ZAN: variants seen among roughly 807,000 people sequenced by gnomAD.
ZAN encodes zonadhesin (gene/pseudogene).
Under a neutral mutation model 286.2 loss-of-function variants are expected in ZAN, and 260 were observed. The ratio of observed to expected loss-of-function variants is 0.91; its 90% CI spans 0.82 to 1.01. The LOEUF (loss-of-function observed/expected upper bound fraction) is 1.01, where lower values mean the gene tolerates loss of function less well. Ranked by LOEUF, ZAN falls within the 50% of genes least tolerant of loss-of-function variation. The probability of loss-of-function intolerance (pLI) is 0.00; values close to 1 mark genes in which losing one functional copy is unlikely to be tolerated. For synonymous variants in ZAN, 1,368 were observed against 1,417.5 expected (o/e 0.97, Z 0.79); for missense variants, 3,410 against 3,639.2 (o/e 0.94, Z 1.62).
rs768743277 is a variant in ZAN, at chr7:100,765,556, T to G, written c.4470+2T>G. The G allele has an allele frequency of 1.3e-6, 2 of 1,596,812 alleles. No individual in the cohort carries two copies. Among genetic ancestry groups the G allele is most frequent in the African/African-American group, 1.3e-5 (1 of 74,526 alleles). ...CACCCTGCAGGCAGCTACTTCAAGG[T>G]GAGCGGCTGCGTGGACCTCTCAGCC... On this transcript the variant is annotated splice_donor_variant, in intron 23 of 47. Coordinates refer to ENST00000613979, the MANE Select transcript of ZAN (RefSeq NM_003386.3). LOFTEE classifies it high-confidence loss of function.
Position 100,775,222 on chromosome 7 carries a change from G to T in ZAN, c.5780-106G>T, listed in dbSNP as rs191156769. On this transcript the variant is annotated intron_variant, in intron 31 of 47. Coordinates refer to ENST00000613979, the MANE Select transcript of ZAN (RefSeq NM_003386.3). The stretch of plus-strand genomic sequence containing the variant: ...GCCACTGCGCACAGCCGGACCTGGG[G>T]TCTTGACTCTTTTCTGGAAGGCAGG... 1.9e-3 allele frequency: 2,815 copies of T among 1,476,150 alleles called. 2 individuals are homozygous for T. Among genetic ancestry groups the T allele is most frequent in the Non-Finnish European group, 2.4e-3 (2,636 of 1,107,908 alleles). The allele number at this position is 1,476,150 out of a possible 1,614,324, so 91.4% of individuals were successfully genotyped here. A position where few individuals can be genotyped will look rare whatever the true frequency, so the allele number is the denominator to read the frequency against.
chr7:100,750,932 G>T (rs932186710), intron 12 of ZAN, 36 bp downstream of exon 12: 11 of 1,518,958 alleles, frequency 7.2e-6, no homozygotes, highest in African/African-American at 2.8e-5. Flanking sequence ...TCTGTGTGAG[G>T]TGAGAGGGCC....
Position 100,758,380 on chromosome 7 carries a change from C to A in ZAN, c.3451+37C>A, listed in dbSNP as rs756888752. The A allele has an allele frequency of 2.5e-6, 4 of 1,604,564 alleles. 1 individual carries two copies. The Middle Eastern group carries it at 5.2e-4, about 207-fold the overall frequency. ...TCCCCATGCTGTCCCTGCCTGCCAG[C>A]CAGTTGGAGTAGACGTGACGCCAGG... is the stretch of plus-strand genomic sequence containing the variant. On this transcript the variant is annotated intron_variant, in intron 16 of 47. Transcript: ENST00000613979.
chr7:100,756,037 A>G (rs1467773784), intron 15 of ZAN, among the ~76,000 whole-genome samples: 1 of 152,100 alleles, frequency 6.6e-6, no homozygotes, highest in Non-Finnish European at 1.5e-5. Context: ...TAACAGGCTC[A>G]CGCCACCACC....
In ZAN at chr7:100,744,019, TA is replaced by T. The variant is rs141135391; in HGVS notation, c.767-2518del. Among the ~76,000 whole-genome samples the T allele has an allele frequency of 2.2e-3, 336 of 151,176 alleles. 9 individuals are homozygous for T. The highest frequency in any genetic ancestry group is 7.9e-3 in the African/African-American group (324 of 41,048). Reference sequence around the variant, plus strand: ...GGTGTGAGCTGCCACGCCCAGCCTATATCTCTTTGTTCTTCTTTTCCCTTAA... The same window carrying T: ...GGTGTGAGCTGCCACGCCCAGCCTATTCTCTTTGTTCTTCTTTTCCCTTAA... On this transcript the variant is annotated intron_variant, in intron 7 of 47. Coordinates refer to ENST00000613979, the MANE Select transcript of ZAN (RefSeq NM_003386.3).
rs1255511265 is a variant in ZAN at position 100,791,030 on chromosome 7, C to T, written c.7446C>T (p.Pro2482=). 6.2e-7 allele frequency: 1 copy of T among 1,612,982 alleles called. No homozygotes were observed. Among genetic ancestry groups the T allele is most frequent in the Admixed American group, 1.7e-5 (1 of 59,838 alleles). ...DKNRKNDMML[P]SGALTQNLNT... ...ACCGCAAGAATGACATGATGCTGCC[C>T]AGTGGCGCCCTGACCCAGAACCTCA... Residue 2482 remains proline (P), a synonymous_variant, in exon 40 of 48, where the codon CCC becomes CCT. Transcript: ENST00000613979.
At chr7:100,795,424 A>G (rs1233607757) in intron 45 of ZAN, 88 bp downstream of exon 45, 3 of 1,259,868 alleles carry the variant, frequency 2.4e-6, no homozygotes, top group Non-Finnish European at 3.1e-6. Context: ...ATATTCACAT[A>G]TAGAATGATA....
At chr7:100,773,623 G>A in intron 30 of ZAN, 98 bp from the exon 31 acceptor site, 1 of 1,542,438 alleles carries the variant, frequency 6.5e-7, no homozygotes, top group Non-Finnish European at 8.8e-7. Context: ...TGGGGGGCGA[G>A]GAGGAAGGGC....
intron 39 of ZAN, among the ~76,000 whole-genome samples, chr7:100,789,668 T>C (rs1811810289): frequency 6.6e-6 from 1 of 151,592 alleles, no homozygotes; most frequent in Non-Finnish European, 1.5e-5. Flanking sequence ...TTAAAGGCCG[T>C]GCACAGTGGC....
rs771497545 is a variant in ZAN at position 100,748,485 on chromosome 7, G to A, written c.1249+15G>A. 5.0e-6 allele frequency: 8 copies of A among 1,601,006 alleles called. No individual in the cohort carries two copies. The highest frequency in any genetic ancestry group is 3.5e-5 in the Admixed American group (2 of 57,320). On this transcript the variant is annotated intron_variant, in intron 11 of 47. Coordinates refer to ENST00000613979, the MANE Select transcript of ZAN (RefSeq NM_003386.3). ...CCCTAATGCAGGTGAGGAGATTGAG[G>A]AGCGCTCACGCCAAGAAATCACTCA...
intron 39 of ZAN, among the ~76,000 whole-genome samples, chr7:100,789,830 A>C (rs192244275): frequency 2.3e-3 from 351 of 152,280 alleles, no homozygotes; most frequent in African/African-American, 8.0e-3. Flanking sequence ...CTGTAATCCC[A>C]GCTACTTGGG....
intron 40 of ZAN, 73 bp downstream of exon 40, chr7:100,791,186 T>C (rs1584634565): frequency 6.5e-7 from 1 of 1,528,990 alleles, no homozygotes; most frequent in Non-Finnish European, 8.8e-7. Flanking sequence ...CTAGCCCTCC[T>C]GTCCTCAGGA....
chr7:100,733,785 T>G (rs1193993897), intron 1 of ZAN, 137 bp downstream of exon 1: 1 of 169,042 alleles, frequency 5.9e-6, no homozygotes, highest in Non-Finnish European at 1.3e-5. Context: ...ACTTGTATAT[T>G]TCAGTTCTGG....
At position 100,789,326 on chromosome 7, in the gene ZAN, T is replaced by G; in HGVS notation, c.7336T>G (p.Phe2446Val). The G allele has an allele frequency of 3.1e-6, 5 of 1,613,642 alleles. No individual in the cohort carries two copies. The highest frequency in any genetic ancestry group is 4.2e-6 in the Non-Finnish European group (5 of 1,179,754). The change falls in exon 39 of 48, where the codon TTT becomes GTT. Residue 2446 changes from phenylalanine (F) to valine (V), a missense_variant. Around this residue, in one of 7 missense-constraint regions of ZAN, gnomAD observed 1,289 missense variants for 1,314.3 expected, o/e 0.98. Transcript: ENST00000613979. ...CACCGACTTTGAGCTGGTCGTCAGC[T>G]TTGGTGGAAGGAAAAATGCAGGTAA... ...LVTDFELVVS[F>V]GGRKNAVISL...
At chr7:100,773,669 C>T in intron 30 of ZAN, 52 bp from the exon 31 acceptor site, 2 of 1,580,558 alleles carry the variant, frequency 1.3e-6, no homozygotes, top group Non-Finnish European at 8.6e-7. Flanking sequence ...GGCGTTGGCC[C>T]ATCTCCCAAT....
rs1447501376 is a variant in ZAN, at chr7:100,758,619, C to A, written c.3540C>A (p.Tyr1180Ter). The A allele has an allele frequency of 1.9e-6, 3 of 1,559,322 alleles. No individual in the cohort carries two copies. The highest frequency in any genetic ancestry group is 1.9e-5 in the Admixed American group (1 of 51,838). ...TTGGCTTCATGGGCAAGTGCACTTA[C>A]ATCTTGGCCCAGCCCTGTGGCAACT... ...RHFGFMGKCT[Y>*]ILAQPCGNST... Residue 1180 changes from tyrosine to a stop codon, truncating the protein, a stop_gained, in exon 17 of 48, where the codon TAC (tyrosine) becomes TAA (stop). Transcript: ENST00000613979. LOFTEE classifies it high-confidence loss of function.
intron 8 of ZAN, 148 bp downstream of exon 8, chr7:100,746,850 A>T (rs1808256008): frequency 1.9e-6 from 2 of 1,068,174 alleles, no homozygotes; most frequent in Non-Finnish European, 2.7e-6. Context: ...CATGGCTGGG[A>T]GGGCACTTTG....
chr7:100,737,135 C>G, intron 5 of ZAN, 55 bp downstream of exon 5: 1 of 1,458,884 alleles, frequency 6.9e-7, no homozygotes, highest in Non-Finnish European at 9.3e-7. Flanking sequence ...TGTTGGAGAG[C>G]CTGAGGGTGG....
intron 12 of ZAN, 138 bp from the exon 13 acceptor site, chr7:100,751,044 C>T: frequency 7.3e-7 from 1 of 1,377,176 alleles, no homozygotes; most frequent in Non-Finnish European, 9.7e-7. Flanking sequence ...GAGAAAGGGG[C>T]CGGGATGGGG....
Sources: gnomAD v4.1 joint callset for allele counts (sites outside exome capture counted in the v4.1 genomes callset) on GRCh38, gnomAD v4.1.1 for gene constraint, gnomAD v4.1.1 regional missense constraint, MANE v1.5 for transcripts, NCBI Gene and HGNC (gene_info 2026-07-23, HGNC 2026-07-21) for gene names.